INPP4B: variants seen among roughly 807,000 people sequenced by gnomAD.
INPP4B encodes the protein inositol polyphosphate-4-phosphatase type II B.
Under a neutral mutation model 122.5 loss-of-function variants are expected in INPP4B, and 55 were observed. The observed-to-expected ratio is 0.45, with a 90% CI of 0.36 to 0.56. The LOEUF is 0.56. INPP4B is among the 20% of genes least tolerant of loss of function. The pLI, the probability that INPP4B is intolerant of heterozygous loss-of-function variation, is 0.00. For synonymous variants in INPP4B, 403 were observed against 388.7 expected (o/e 1.04, Z -0.43); for missense variants, 1,000 against 1,097.7 (o/e 0.91, Z 1.26).
intron 25 of INPP4B, among the ~76,000 whole-genome samples, chr4:142,047,908 C>T (rs1226273190): frequency 2.0e-5 from 3 of 152,086 alleles, no homozygotes; most frequent in Non-Finnish European, 4.4e-5. Context: ...GTTGCACCAA[C>T]TTATAAGCCA....
intron 1 of INPP4B, among the ~76,000 whole-genome samples, chr4:142,768,622 T>C (rs1772531330): frequency 1.3e-5 from 2 of 152,184 alleles, no homozygotes; most frequent in Non-Finnish European, 2.9e-5. Flanking sequence ...AAGTAATTCA[T>C]GTCAAGTGGT....
intron 16 of INPP4B, among the ~76,000 whole-genome samples, chr4:142,169,159 CTAA>C (rs1362677104): frequency 6.6e-6 from 1 of 151,442 alleles, no homozygotes; most frequent in Non-Finnish European, 1.5e-5. Context: ...GTACAATTTT[CTAA>C]TAACAAATTT....
chr4:142,317,284 A>C (rs1308019759), intron 7 of INPP4B: 74 of 369,764 alleles, frequency 2.0e-4, no homozygotes, highest in Non-Finnish European at 5.4e-6. Flanking sequence ...ACCGCAGAGG[A>C]GCCCCTCGAT....
At chr4:142,140,071 G>T (rs1480169000) in intron 18 of INPP4B, among the ~76,000 whole-genome samples, 1 of 152,196 alleles carries the variant, frequency 6.6e-6, no homozygotes, top group Non-Finnish European at 1.5e-5. Flanking sequence ...TGTGGAATGT[G>T]CCTTACAAGT....
intron 1 of INPP4B, among the ~76,000 whole-genome samples, chr4:142,732,504 A>C (rs1766255794): frequency 6.6e-6 from 1 of 152,100 alleles, no homozygotes; most frequent in Non-Finnish European, 1.5e-5. Flanking sequence ...TAGCAATGTT[A>C]CTGAATTCAG....
At chr4:142,469,717 T>C (rs1326781962) in intron 2 of INPP4B, among the ~76,000 whole-genome samples, 3 of 152,176 alleles carry the variant, frequency 2.0e-5, no homozygotes, top group Non-Finnish European at 4.4e-5. Flanking sequence ...AAATATATAA[T>C]GCCTGTCATA....
intron 2 of INPP4B, among the ~76,000 whole-genome samples, chr4:142,550,845 G>A (rs932678589): frequency 4.6e-5 from 7 of 152,050 alleles, no homozygotes; most frequent in South Asian, 2.1e-4. Context: ...TGGCTGTGTC[G>A]CTATGGGTAA....
intron 7 of INPP4B, among the ~76,000 whole-genome samples, chr4:142,328,518 C>T (rs553010368): frequency 5.3e-5 from 8 of 152,172 alleles, no homozygotes; most frequent in East Asian, 1.9e-4. Flanking sequence ...CTAAAAGACA[C>T]GAGATATCAC....
At chr4:142,129,223 T>C (rs757155539) in intron 18 of INPP4B, among the ~76,000 whole-genome samples, 6 of 152,080 alleles carry the variant, frequency 3.9e-5, no homozygotes, top group Non-Finnish European at 5.9e-5. Context: ...CAGACCAAAC[T>C]TACAGCCAGT....
At chr4:142,784,188 C>A (rs1270611124) in intron 1 of INPP4B, among the ~76,000 whole-genome samples, 1 of 151,752 alleles carries the variant, frequency 6.6e-6, no homozygotes, top group Non-Finnish European at 1.5e-5. Context: ...CATGGTGAAA[C>A]CCCGTCTCTA....
chr4:142,813,624 G>T (rs999990738), intron 1 of INPP4B, among the ~76,000 whole-genome samples: 5 of 152,034 alleles, frequency 3.3e-5, no homozygotes, highest in African/African-American at 1.2e-4. Context: ...AAAATAAGTT[G>T]GCAAAGCTTT....
chr4:142,047,012 CCTCT>C (rs142291296), intron 25 of INPP4B, among the ~76,000 whole-genome samples: 31 of 151,444 alleles, frequency 2.0e-4, no homozygotes, highest in African/African-American at 4.6e-4. Context: ...TTTCCTTTCT[CCTCT>C]CTCTCTCTCT....
At chr4:142,749,453 G>T (rs571920390) in intron 1 of INPP4B, among the ~76,000 whole-genome samples, 12 of 150,256 alleles carry the variant, frequency 8.0e-5, no homozygotes, top group African/African-American at 2.9e-4. Context: ...AGGCATACTG[G>T]ATACGAAGGA....
At chr4:142,479,156 TACAA>T (rs1405271880) in intron 2 of INPP4B, among the ~76,000 whole-genome samples, 1 of 152,008 alleles carries the variant, frequency 6.6e-6, no homozygotes, top group African/African-American at 2.4e-5. Flanking sequence ...GGGCAAAGGA[TACAA>T]ACAGACACTT....
At chr4:142,140,135 A>G (rs1158017998) in intron 18 of INPP4B, among the ~76,000 whole-genome samples, 1 of 152,228 alleles carries the variant, frequency 6.6e-6, no homozygotes, top group Non-Finnish European at 1.5e-5. Flanking sequence ...ACTAGAAACA[A>G]ATTCTAAGCA....
At chr4:142,341,342 A>T (rs565229186) in intron 7 of INPP4B, among the ~76,000 whole-genome samples, 12 of 152,320 alleles carry the variant, frequency 7.9e-5, no homozygotes, top group Middle Eastern at 6.8e-3. Context: ...ATACTTAAAA[A>T]AACCTAGCAA....
intron 2 of INPP4B, among the ~76,000 whole-genome samples, chr4:142,618,111 G>C (rs1239767899): frequency 1.3e-5 from 2 of 151,854 alleles, no homozygotes; most frequent in East Asian, 3.9e-4. Context: ...GGAACATTAA[G>C]AAATGAATAT....
At chr4:142,564,948 A>T (rs536917060) in intron 2 of INPP4B, among the ~76,000 whole-genome samples, 7 of 152,218 alleles carry the variant, frequency 4.6e-5, no homozygotes, top group African/African-American at 7.2e-5. Context: ...TATAGAACAT[A>T]TTCAAATTTC....
At chr4:142,482,997 TTTC>T (rs895636572) in intron 2 of INPP4B, among the ~76,000 whole-genome samples, 46 of 152,158 alleles carry the variant, frequency 3.0e-4, no homozygotes, top group African/African-American at 1.1e-3. Context: ...GACATAAAAA[TTTC>T]TTTAGTATGG....
Sources: allele counts gnomAD v4.1 joint callset (sites outside exome capture counted in the v4.1 genomes callset), GRCh38; gene constraint gnomAD v4.1.1; transcripts MANE v1.5; gene names NCBI Gene and HGNC (gene_info 2026-07-23, HGNC 2026-07-21).